Variants in PSPH observed in about 807,000 individuals in gnomAD.
The protein encoded by PSPH is L-3-phosphoserine phosphatase.
In PSPH, 16 loss-of-function variants were observed where a neutral mutation model predicts 23.4. The observed-to-expected ratio is 0.68, with a 90% CI of 0.46 to 1.04. PSPH has a LOEUF of 1.04. Ranked by LOEUF, PSPH falls within the 50% of genes least tolerant of loss-of-function variation. The probability of loss-of-function intolerance (pLI) is 0.00; values close to 1 mark genes in which losing one functional copy is unlikely to be tolerated. For missense variants in PSPH, 223 were observed against 273.7 expected, an observed-to-expected ratio of 0.81 and a Z score of 1.31; for synonymous variants, 68 against 99.7, an observed-to-expected ratio of 0.68 and a Z score of 1.89.
At chr7:56,027,687 CAAAA>C (rs35102510) in intron 3 of PSPH, among the ~76,000 whole-genome samples, 7 of 102,326 alleles carry the variant, frequency 6.8e-5, no homozygotes, top group Admixed American at 1.1e-4. Context: ...GACTCCATCT[CAAAA>C]AAAAAAAAAA....
At chr7:56,045,058 G>C (rs1793045224) in intron 1 of PSPH, among the ~76,000 whole-genome samples, 1 of 128,218 alleles carries the variant, frequency 7.8e-6, no homozygotes, top group Non-Finnish European at 1.6e-5. Flanking sequence ...GGCAACAAGA[G>C]TGAAACTCTG....
chr7:56,036,310 CAG>C (rs1228855651), intron 1 of PSPH, among the ~76,000 whole-genome samples: 2 of 151,936 alleles, frequency 1.3e-5, no homozygotes, highest in African/African-American at 2.4e-5. Context: ...TAAGTGGTAA[CAG>C]AATTTATTTT....
At chr7:56,045,753 G>T (rs1471234801) in intron 1 of PSPH, among the ~76,000 whole-genome samples, 1 of 151,812 alleles carries the variant, frequency 6.6e-6, no homozygotes, top group Non-Finnish European at 1.5e-5. Flanking sequence ...GGGTGTGGTG[G>T]TGCATGCCTA....
chr7:56,025,450 GT>G (rs1453628702), intron 3 of PSPH, among the ~76,000 whole-genome samples: 1 of 152,000 alleles, frequency 6.6e-6, no homozygotes, highest in Non-Finnish European at 1.5e-5. Context: ...TAGAGATGGT[GT>G]TTTACCATGT....
intron 1 of PSPH, among the ~76,000 whole-genome samples, chr7:56,045,541 CT>C (rs1450157144): frequency 6.6e-6 from 1 of 152,056 alleles, no homozygotes; most frequent in Non-Finnish European, 1.5e-5. Context: ...CTTTACCCTA[CT>C]TACAAACTAA....
chr7:56,013,018 A>ACACATATACTATATATGTATATATATACT (rs1788089621), intron 7 of PSPH, among the ~76,000 whole-genome samples: 1 of 150,256 alleles, frequency 6.7e-6, no homozygotes, highest in Non-Finnish European at 1.5e-5. Context: ...ATATATATAC[A>ACACATATACTATATATGTATATATATACT]CACATATACT....
chr7:56,049,296 C>G (rs1236912684), intron 1 of PSPH, among the ~76,000 whole-genome samples: 1 of 152,120 alleles, frequency 6.6e-6, no homozygotes, highest in Non-Finnish European at 1.5e-5. Flanking sequence ...TTGCTCCCAC[C>G]CCCTGACAGG....
intron 7 of PSPH, 107 bp downstream of exon 7, chr7:56,014,916 C>A: frequency 1.6e-6 from 2 of 1,234,030 alleles, no homozygotes; most frequent in Admixed American, 5.5e-5. Context: ...GCACTCCAAC[C>A]TGGGCAACAA....
chr7:56,041,392 T>C (rs1300176740), intron 1 of PSPH, among the ~76,000 whole-genome samples: 1 of 151,698 alleles, frequency 6.6e-6, no homozygotes, highest in Non-Finnish European at 1.5e-5. Context: ...TTTGTATTTT[T>C]AGTAGAGATG....
In PSPH at chr7:56,043,531, T is replaced by C. The variant is rs931577094; in HGVS notation, c.-292+7607A>G. 3.3e-5 allele frequency among the ~76,000 whole-genome samples: 5 copies of C among 151,656 alleles called. No homozygotes were observed. The East Asian group carries it at 9.7e-4, about 30-fold the overall frequency. Reference sequence around the variant, plus strand: ...ATAAATAAATAAATATTTAAAGATATAGAGGCTGGGCGTGGTGGCTCATGC... The same window carrying C: ...ATAAATAAATAAATATTTAAAGATACAGAGGCTGGGCGTGGTGGCTCATGC... On this transcript the variant is annotated intron_variant, in intron 1 of 7. Coordinates refer to ENST00000275605, the MANE Select transcript of PSPH (RefSeq NM_004577.4).
At chr7:56,018,374 G>A (rs1788867878) in intron 5 of PSPH, among the ~76,000 whole-genome samples, 1 of 151,920 alleles carries the variant, frequency 6.6e-6, no homozygotes, top group Admixed American at 6.6e-5. Context: ...AAAAACAATG[G>A]GTAGGGTTTG....
chr7:56,015,980 G>A (rs1292703580), intron 6 of PSPH, among the ~76,000 whole-genome samples: 1 of 151,788 alleles, frequency 6.6e-6, no homozygotes, highest in African/African-American at 2.4e-5. Flanking sequence ...AATTTAAAAT[G>A]TTAATATATT....
intron 6 of PSPH, among the ~76,000 whole-genome samples, chr7:56,016,403 C>CAA (rs1187610566): frequency 0.33 from 28,322 of 85,084 alleles, 4,816 homozygotes; most frequent in East Asian, 0.46. Flanking sequence ...GACCCTGTCT[C>CAA]AAAAAAAAAA....
intron 3 of PSPH, among the ~76,000 whole-genome samples, chr7:56,029,711 T>G (rs759826271): frequency 1.3e-5 from 2 of 152,148 alleles, no homozygotes; most frequent in Admixed American, 6.6e-5. Context: ...TTGTTAGGAC[T>G]GACCTCTTAT....
intron 3 of PSPH, among the ~76,000 whole-genome samples, chr7:56,031,008 G>A (rs1290399800): frequency 5.3e-5 from 8 of 151,246 alleles, no homozygotes; most frequent in African/African-American, 9.7e-5. Context: ...TCAGGAGATC[G>A]AGACCATCCT....
At chr7:56,047,614 C>T (rs937754858) in intron 1 of PSPH, among the ~76,000 whole-genome samples, 5 of 151,720 alleles carry the variant, frequency 3.3e-5, no homozygotes, top group African/African-American at 4.8e-5. Flanking sequence ...TCCTATAATG[C>T]CTTGAAAAGG....
At chr7:56,043,287 G>A (rs57788419) in intron 1 of PSPH, 2 of 151,222 alleles carry the variant, frequency 1.3e-5, no homozygotes, top group African/African-American at 4.9e-5. Context: ...AAAGACAGCT[G>A]TAGAGGACAG....
intron 3 of PSPH, among the ~76,000 whole-genome samples, chr7:56,031,687 C>T (rs1159904862): frequency 6.6e-6 from 1 of 152,094 alleles, no homozygotes; most frequent in African/African-American, 2.4e-5. Flanking sequence ...GTGGCCCACA[C>T]CTGTAATCCC....
At chr7:56,027,783 T>C (rs566530293) in intron 3 of PSPH, among the ~76,000 whole-genome samples, 1 of 144,748 alleles carries the variant, frequency 6.9e-6, no homozygotes, top group South Asian at 2.2e-4. Flanking sequence ...GTGCAGTGGC[T>C]CACACTTGTA....
Sources: allele counts gnomAD v4.1 joint callset (sites outside exome capture counted in the v4.1 genomes callset), GRCh38; gene constraint gnomAD v4.1.1; transcripts MANE v1.5; gene names NCBI Gene and HGNC (gene_info 2026-07-23, HGNC 2026-07-21).